The following ADGRV1 variants were observed in gnomAD, a reference collection of about 807,000 sequenced individuals.
ADGRV1 encodes adhesion G protein-coupled receptor V1.
ADGRV1 carries 359 observed loss-of-function variants against 596.2 expected under a neutral mutation model. That is an observed-to-expected ratio of 0.60 (90% CI 0.55 to 0.66). The LOEUF (loss-of-function observed/expected upper bound fraction) is 0.66, where lower values mean the gene tolerates loss of function less well. ADGRV1 is among the 30% of genes least tolerant of loss of function. ADGRV1 has a pLI of 0.00. For synonymous variants in ADGRV1, 2,681 were observed against 2,679.2 expected (o/e 1.00, Z -0.02); for missense variants, 7,274 against 7,575.6 (o/e 0.96, Z 1.48).
At chr5:90,827,363 T>C (rs578220378) in intron 76 of ADGRV1, among the ~76,000 whole-genome samples, 1 of 152,300 alleles carries the variant, frequency 6.6e-6, no homozygotes, top group South Asian at 2.1e-4. Flanking sequence ...TTCTAAGACT[T>C]GAAGACTCTT....
In ADGRV1 at chr5:90,697,011, A is replaced by G; in HGVS notation, c.8020A>G (p.Ser2674Gly). Reference sequence around the variant, plus strand: ...AGAGGATGACGAAAGTATCATAGTTAGTTTGGTGTACACTGAAGGTGGAAG... The same window carrying G: ...AGAGGATGACGAAAGTATCATAGTTGGTTTGGTGTACACTGAAGGTGGAAG... ...EPEDDESIIV[S>G]LVYTEGGSRI... The change falls in exon 34 of 90, where the codon AGT (serine) becomes GGT (glycine). Residue 2674 changes from serine (S) to glycine (G), a missense_variant. By Grantham distance (56) the Ser-to-Gly change is moderately conservative (BLOSUM62 0). Coordinates refer to ENST00000405460, the MANE Select transcript of ADGRV1 (RefSeq NM_032119.4). The G allele has an allele frequency of 6.2e-7, 1 of 1,613,238 alleles. No homozygotes were observed. Among genetic ancestry groups the G allele is most frequent in the South Asian group, 1.1e-5 (1 of 91,054 alleles).
chr5:91,130,614 G>C (rs1212682943), intron 87 of ADGRV1, among the ~76,000 whole-genome samples: 1 of 150,854 alleles, frequency 6.6e-6, no homozygotes, highest in East Asian at 1.9e-4. Context: ...AAAGGAATCT[G>C]AATGACAGAC....
At chr5:90,730,319 T>C (rs1752392144) in intron 50 of ADGRV1, among the ~76,000 whole-genome samples, 1 of 152,202 alleles carries the variant, frequency 6.6e-6, no homozygotes, top group African/African-American at 2.4e-5. Context: ...AACTAAAATA[T>C]GGAGGAAAAT....
chr5:90,920,350 C>T (rs577305478), intron 83 of ADGRV1, among the ~76,000 whole-genome samples: 32 of 152,252 alleles, frequency 2.1e-4, no homozygotes, highest in African/African-American at 5.5e-4. Context: ...CATCGCCTTA[C>T]GGGTTAGAGT....
At chr5:90,826,100 CA>C (rs542501797) in intron 76 of ADGRV1, among the ~76,000 whole-genome samples, 408 of 152,238 alleles carry the variant, frequency 2.7e-3, no homozygotes, top group African/African-American at 9.3e-3. Context: ...AAGTGTTTTT[CA>C]AAAAGTACTA....
chr5:91,023,553 C>T (rs1783806961), intron 85 of ADGRV1, among the ~76,000 whole-genome samples: 1 of 152,084 alleles, frequency 6.6e-6, no homozygotes, highest in Non-Finnish European at 1.5e-5. Context: ...TGCCAGAATA[C>T]TGGGTGAAAG....
chr5:90,818,766 C>T (rs1454250100), intron 75 of ADGRV1, among the ~76,000 whole-genome samples: 6 of 151,496 alleles, frequency 4.0e-5, no homozygotes, highest in Admixed American at 1.3e-4. Flanking sequence ...GGATGAAGCC[C>T]ACTTAATCAT....
At chr5:90,584,169 AG>A (rs1218005719) in intron 1 of ADGRV1, among the ~76,000 whole-genome samples, 1 of 152,222 alleles carries the variant, frequency 6.6e-6, no homozygotes, top group Non-Finnish European at 1.5e-5. Context: ...CATGTAAAGC[AG>A]TTAAAACAGC....
chr5:90,898,849 A>G (rs1771567727), intron 83 of ADGRV1, among the ~76,000 whole-genome samples: 1 of 152,070 alleles, frequency 6.6e-6, no homozygotes, highest in Non-Finnish European at 1.5e-5. Context: ...AGGAGGCTGA[A>G]GCCGGAGGAT....
intron 34 of ADGRV1, among the ~76,000 whole-genome samples, chr5:90,698,415 T>C (rs1346095474): frequency 1.3e-5 from 2 of 152,156 alleles, no homozygotes; most frequent in East Asian, 1.9e-4. Flanking sequence ...GCAACAATTA[T>C]TCAGTGGTAG....
At chr5:91,140,108 A>G (rs1295216418) in intron 87 of ADGRV1, among the ~76,000 whole-genome samples, 1 of 152,172 alleles carries the variant, frequency 6.6e-6, no homozygotes, top group Admixed American at 6.5e-5. Context: ...CTACACAGCT[A>G]TTTTCTACAC....
At chr5:91,063,319 G>A (rs910798341) in intron 85 of ADGRV1, among the ~76,000 whole-genome samples, 8 of 152,088 alleles carry the variant, frequency 5.3e-5, no homozygotes, top group Non-Finnish European at 1.2e-4. Context: ...AGCGGTGCTC[G>A]TGGCTACAGT....
At chr5:91,163,395 C>G (rs184081537) in intron 89 of ADGRV1, among the ~76,000 whole-genome samples, 38 of 152,206 alleles carry the variant, frequency 2.5e-4, no homozygotes, top group African/African-American at 8.4e-4. Context: ...GAATTCGGGG[C>G]CTATATGTTT....
chr5:90,926,280 T>G (rs1774435997), intron 83 of ADGRV1, among the ~76,000 whole-genome samples: 1 of 152,030 alleles, frequency 6.6e-6, no homozygotes, highest in African/African-American at 2.4e-5. Context: ...TTTTGGTTGG[T>G]AAACTATTGA....
intron 2 of ADGRV1, 102 bp from the exon 3 acceptor site, chr5:90,617,702 C>T: frequency 2.1e-6 from 2 of 944,350 alleles, no homozygotes; most frequent in Non-Finnish European, 3.1e-6. Context: ...ACATAAATGT[C>T]ACTTGATTTA....
chr5:90,689,124 AAAAT>A, intron 29 of ADGRV1, among the ~76,000 whole-genome samples: 1 of 152,276 alleles, frequency 6.6e-6, no homozygotes, highest in South Asian at 2.1e-4. Context: ...TTGATTTAAA[AAAAT>A]AAATCATCTG....
At position 90,647,775 on chromosome 5, in the gene ADGRV1, T is replaced by C; in HGVS notation, c.3289+11T>C. 6.2e-7 allele frequency: 1 copy of C among 1,605,012 alleles called. No individual in the cohort carries two copies. The highest frequency in any genetic ancestry group is 1.3e-5 in the African/African-American group (1 of 74,680). On this transcript the variant is annotated intron_variant, in intron 17 of 89. Coordinates refer to ENST00000405460, the MANE Select transcript of ADGRV1 (RefSeq NM_032119.4). Reference sequence around the variant, plus strand: ...TCTTGAATTCAACAGGTAAGTAAATTATGCTTTTTTATGGCAGATCTGCCT... The same window carrying C: ...TCTTGAATTCAACAGGTAAGTAAATCATGCTTTTTTATGGCAGATCTGCCT...
chr5:90,899,014 G>C (rs575074137), intron 83 of ADGRV1, among the ~76,000 whole-genome samples: 2 of 152,260 alleles, frequency 1.3e-5, no homozygotes, highest in African/African-American at 4.8e-5. Flanking sequence ...GAGGAACTGA[G>C]GATGTGGCAC....
chr5:90,721,525 A>AAAATTAAATT (rs57822565), intron 45 of ADGRV1, among the ~76,000 whole-genome samples: 20 of 80,700 alleles, frequency 2.5e-4, no homozygotes, highest in African/African-American at 7.2e-4. Context: ...AAAATAAAAT[A>AAAATTAAATT]AAAATAAAAA....
Sources: gnomAD v4.1 joint callset for allele counts (sites outside exome capture counted in the v4.1 genomes callset) on GRCh38, gnomAD v4.1.1 for gene constraint, MANE v1.5 for transcripts, NCBI Gene and HGNC (gene_info 2026-07-23, HGNC 2026-07-21) for gene names.